Variants in ST6GALNAC3 observed in about 807,000 individuals in gnomAD.
ST6GALNAC3 encodes ST6 N-acetylgalactosaminide alpha-2,6-sialyltransferase 3, also known as alpha-N-acetylgalactosaminide alpha-2,6-sialyltransferase 3.
Under a neutral mutation model 32.7 loss-of-function variants are expected in ST6GALNAC3, and 25 were observed. That is an observed-to-expected ratio of 0.76 (90% CI 0.56 to 1.07). The LOEUF (loss-of-function observed/expected upper bound fraction) is 1.07. ST6GALNAC3 is among the 50% of genes least tolerant of loss of function. The pLI, the probability that ST6GALNAC3 is intolerant of heterozygous loss-of-function variation, is 0.00. For missense variants in ST6GALNAC3, 355 were observed against 382.4 expected (o/e 0.93, Z 0.60); for synonymous variants, 129 against 133.1 (o/e 0.97, Z 0.21).
At chr1:76,240,270 T>C (rs925323949) in intron 1 of ST6GALNAC3, among the ~76,000 whole-genome samples, 2 of 152,230 alleles carry the variant, frequency 1.3e-5, no homozygotes, top group African/African-American at 4.8e-5. Context: ...TACGTAGAAC[T>C]GCTTAAAAAT....
intron 1 of ST6GALNAC3, among the ~76,000 whole-genome samples, chr1:76,227,658 G>T (rs1410797232): frequency 6.6e-6 from 1 of 152,194 alleles, no homozygotes; most frequent in African/African-American, 2.4e-5. Context: ...CAATAGTTTA[G>T]TCTGTACCCT....
intron 3 of ST6GALNAC3, among the ~76,000 whole-genome samples, chr1:76,605,952 T>A (rs1250888327): frequency 7.0e-6 from 1 of 142,346 alleles, no homozygotes; most frequent in Non-Finnish European, 1.5e-5. Context: ...CCAAAAACCA[T>A]GTAAAAAACA....
intron 2 of ST6GALNAC3, among the ~76,000 whole-genome samples, chr1:76,323,065 A>G (rs1175532704): frequency 2.0e-5 from 3 of 152,190 alleles, no homozygotes; most frequent in African/African-American, 4.8e-5. Flanking sequence ...GTGGTGTTTC[A>G]TAATATGTGT....
At chr1:76,422,081 T>C (rs777233780) in intron 3 of ST6GALNAC3, among the ~76,000 whole-genome samples, 4 of 151,998 alleles carry the variant, frequency 2.6e-5, no homozygotes, top group East Asian at 1.9e-4. Context: ...GTGTTTTCTA[T>C]GTATTTCTCC....
rs949076637 is a variant in ST6GALNAC3 at position 76,630,157 on chromosome 1, C to A, written c.*1351C>A. 9.1e-6 allele frequency: 9 copies of A among 985,190 alleles called. No individual in the cohort carries two copies. Among genetic ancestry groups the A allele is most frequent in the Non-Finnish European group, 9.6e-6 (8 of 829,836 alleles). The allele number at this position is 985,190 out of a possible 1,614,324, so 61.0% of individuals were successfully genotyped here. On this transcript the variant is annotated 3_prime_UTR_variant, in exon 5 of 5. Coordinates refer to ENST00000328299, the MANE Select transcript of ST6GALNAC3 (RefSeq NM_152996.4). ...TTCTGTTATATTCCAGATTGCTCTACTTGCTAATATTTGTATAGAATAGAA... is the reference window on the plus strand; with the variant it reads ...TTCTGTTATATTCCAGATTGCTCTAATTGCTAATATTTGTATAGAATAGAA...
At chr1:76,165,298 C>G (rs1364498958) in intron 1 of ST6GALNAC3, among the ~76,000 whole-genome samples, 1 of 152,122 alleles carries the variant, frequency 6.6e-6, no homozygotes. Flanking sequence ...CCTTAGTTTG[C>G]TAAGGATAAT....
chr1:76,414,771 T>C (rs1013406373), intron 3 of ST6GALNAC3, among the ~76,000 whole-genome samples: 3 of 152,068 alleles, frequency 2.0e-5, no homozygotes, highest in Non-Finnish European at 4.4e-5. Flanking sequence ...TTTATAAATA[T>C]TTTGGTGTAT....
chr1:76,540,865 C>T (rs1462811576), intron 3 of ST6GALNAC3, among the ~76,000 whole-genome samples: 2 of 152,142 alleles, frequency 1.3e-5, no homozygotes, highest in Non-Finnish European at 2.9e-5. Flanking sequence ...GAAATAATAA[C>T]ACTGACCTTT....
At chr1:76,207,287 C>A (rs565008071) in intron 1 of ST6GALNAC3, among the ~76,000 whole-genome samples, 3 of 152,334 alleles carry the variant, frequency 2.0e-5, no homozygotes, top group African/African-American at 7.2e-5. Context: ...CACTGTGATG[C>A]TAGGCTCGCC....
At chr1:76,600,205 A>G (rs1312619979) in intron 3 of ST6GALNAC3, among the ~76,000 whole-genome samples, 1 of 152,044 alleles carries the variant, frequency 6.6e-6, no homozygotes, top group Non-Finnish European at 1.5e-5. Flanking sequence ...ATACAATAAG[A>G]GTCACAGTCT....
At chr1:76,431,233 T>G (rs1655731534) in intron 3 of ST6GALNAC3, among the ~76,000 whole-genome samples, 1 of 152,160 alleles carries the variant, frequency 6.6e-6, no homozygotes, top group South Asian at 2.1e-4. Context: ...AGGTGAACAC[T>G]GGGTATGCTT....
At chr1:76,334,609 G>T (rs777778772) in intron 2 of ST6GALNAC3, among the ~76,000 whole-genome samples, 26 of 152,208 alleles carry the variant, frequency 1.7e-4, no homozygotes, top group South Asian at 4.1e-4. Flanking sequence ...ATCTTCGTTG[G>T]TATTTGTTTT....
chr1:76,611,788 T>G (rs1022490622), intron 3 of ST6GALNAC3, among the ~76,000 whole-genome samples: 2 of 152,224 alleles, frequency 1.3e-5, no homozygotes, highest in African/African-American at 4.8e-5. Context: ...CACTGAGTTC[T>G]TTGAAGTTCC....
At chr1:76,477,345 G>A (rs368302284) in intron 3 of ST6GALNAC3, among the ~76,000 whole-genome samples, 2 of 152,192 alleles carry the variant, frequency 1.3e-5, no homozygotes, top group East Asian at 1.9e-4. Flanking sequence ...GAGAACACAA[G>A]GTCAGGCAAA....
chr1:76,199,066 A>T (rs1654376011), intron 1 of ST6GALNAC3, among the ~76,000 whole-genome samples: 1 of 152,178 alleles, frequency 6.6e-6, no homozygotes, highest in Admixed American at 6.5e-5. Context: ...GAAGAGAAGC[A>T]AAGTTTCCAT....
intron 1 of ST6GALNAC3, among the ~76,000 whole-genome samples, chr1:76,093,533 C>T (rs289675): frequency 0.013 from 1,927 of 152,158 alleles, 18 homozygotes; most frequent in Non-Finnish European, 0.019. Context: ...AGTGTGGTCA[C>T]GAAAGGAATC....
At chr1:76,417,434 C>T (rs1042459766) in intron 3 of ST6GALNAC3, among the ~76,000 whole-genome samples, 1 of 152,060 alleles carries the variant, frequency 6.6e-6, no homozygotes, top group African/African-American at 2.4e-5. Context: ...ATAATACTAG[C>T]CTGCTGACAT....
intron 1 of ST6GALNAC3, among the ~76,000 whole-genome samples, chr1:76,284,248 A>G (rs1372230302): frequency 7.2e-5 from 11 of 152,220 alleles, no homozygotes; most frequent in African/African-American, 2.4e-4. Flanking sequence ...ATCCACTAGC[A>G]AATAAAAGAA....
intron 3 of ST6GALNAC3, among the ~76,000 whole-genome samples, chr1:76,511,430 C>G (rs561786280): frequency 6.6e-6 from 1 of 152,158 alleles, no homozygotes; most frequent in Non-Finnish European, 1.5e-5. Flanking sequence ...TACCTTCCCC[C>G]ACTCACTAAC....
Sources: gnomAD v4.1 joint callset for allele counts (sites outside exome capture counted in the v4.1 genomes callset) on GRCh38, gnomAD v4.1.1 for gene constraint, MANE v1.5 for transcripts, NCBI Gene and HGNC (gene_info 2026-07-23, HGNC 2026-07-21) for gene names.